The following ARL17A variants were observed in gnomAD, a reference collection of about 807,000 sequenced individuals.
ARL17A encodes the protein ARF like GTPase 17A, also known as ADP-ribosylation factor-like 17-like.
chr17:46,534,444 C>G (rs1188634302), intron 4 of ARL17A, among the ~76,000 whole-genome samples: 1 of 148,896 alleles, frequency 6.7e-6, no homozygotes, highest in South Asian at 2.1e-4. Context: ...CAAAGCACAT[C>G]TTGCACCGCC....
intron 3 of ARL17A, among the ~76,000 whole-genome samples, chr17:46,546,963 G>A (rs146545172): frequency 0.15 from 996 of 6,438 alleles, 152 homozygotes; most frequent in Middle Eastern, 0.3. Flanking sequence ...AAACCTTTCT[G>A]TTCACAGAAC....
intron 3 of ARL17A, among the ~76,000 whole-genome samples, chr17:46,541,284 C>A (rs1415774137): frequency 6.6e-6 from 1 of 150,380 alleles, no homozygotes; most frequent in East Asian, 1.9e-4. Context: ...TGGAATCTCA[C>A]TCTGTCGCCC....
In ARL17A at chr17:46,552,962, G is replaced by A. The variant is rs2056936826; in HGVS notation, c.*4394C>T. Among the ~76,000 whole-genome samples the A allele has an allele frequency of 7.0e-6, 1 of 142,696 alleles. No homozygotes were observed. The highest frequency in any genetic ancestry group is 2.8e-5 in the African/African-American group (1 of 35,728). The allele number at this position is 142,696 out of a possible 152,430, so 93.6% of individuals were successfully genotyped here. On this transcript the variant is annotated 3_prime_UTR_variant, in exon 4 of 4. Transcript: ENST00000336125. ...CTCAGCTACTCAAGAGGCTGAGGTG[G>A]GCGGATCACTGGAGCCCAGGAGGTT...
At chr17:46,535,449 TTC>T (rs1468987515) in intron 4 of ARL17A, among the ~76,000 whole-genome samples, 2 of 101,352 alleles carry the variant, frequency 2.0e-5, no homozygotes, top group Non-Finnish European at 3.6e-5. Context: ...TTCTCCTTTT[TTC>T]TGTTTTTCTT....
chr17:46,551,216 C>T (rs1185020144), downstream of ARL17A, among the ~76,000 whole-genome samples: 41 of 149,114 alleles, frequency 2.7e-4, no homozygotes, highest in African/African-American at 1.1e-3. Context: ...CTAAAGCCTA[C>T]ATCTGGCTAC....
intron 4 of ARL17A, among the ~76,000 whole-genome samples, chr17:46,534,708 G>A (rs1298959762): frequency 2.0e-5 from 3 of 149,976 alleles, no homozygotes; most frequent in Non-Finnish European, 4.4e-5. Flanking sequence ...ATGAGCTGTT[G>A]GGTACACCTC....
chr17:46,525,479 C>T (rs1169738944), downstream of ARL17A, among the ~76,000 whole-genome samples: 1 of 111,726 alleles, frequency 9.0e-6, no homozygotes, highest in Non-Finnish European at 2.0e-5. Flanking sequence ...CCTAGGTACT[C>T]AGGAGGCTGA....
intron 3 of ARL17A, among the ~76,000 whole-genome samples, chr17:46,568,798 GA>G (rs1218740511): frequency 6.0e-5 from 6 of 99,334 alleles, no homozygotes; most frequent in Admixed American, 1.2e-4. Context: ...AAAAAAAAAG[GA>G]AAAAAAAAGG....
rs1207493234 is a variant in ARL17A, at chr17:46,533,637, G to A, written c.335+4714C>T. On this transcript the variant is annotated intron_variant, in intron 4 of 4. Coordinates refer to the ARL17A transcript ENST00000329240. ...GTGCCTCAGCCTCCTGAGTAGCTGG[G>A]ACTGCAGGCACGTAACACCACACCC... Among the ~76,000 whole-genome samples the A allele has an allele frequency of 4.7e-5, 3 of 63,826 alleles. No homozygotes were observed. In the Admixed American group the frequency reaches 5.4e-4, roughly 11 times the overall value. 41.9% of individuals were successfully genotyped at this position (63,826 alleles called of 152,430 possible).
chr17:46,516,126 C>A (rs1205955565), downstream of ARL17A, among the ~76,000 whole-genome samples: 13 of 147,526 alleles, frequency 8.8e-5, 1 homozygote, highest in African/African-American at 3.4e-4. Context: ...TGGTGAAACC[C>A]CATCTCTACT....
chr17:46,532,227 A>C (rs1489721259), intron 4 of ARL17A, among the ~76,000 whole-genome samples: 2 of 148,406 alleles, frequency 1.3e-5, no homozygotes, highest in Non-Finnish European at 3.0e-5. Context: ...CACTCAAAAA[A>C]ACAACAATTG....
intron 2 of ARL17A, among the ~76,000 whole-genome samples, chr17:46,575,260 C>T (rs1468537786): frequency 6.2e-5 from 8 of 128,518 alleles, no homozygotes; most frequent in East Asian, 2.1e-4. Context: ...TGTCAAAACT[C>T]GCTTTGTAAA....
chr17:46,520,006 AGTGT>A (rs1196158627), intron 3 of ARL17A, among the ~76,000 whole-genome samples: 15 of 81,546 alleles, frequency 1.8e-4, no homozygotes, highest in Non-Finnish European at 3.2e-5. Context: ...GGTGTGCTTG[AGTGT>A]GTGTGTGTGT....
At chr17:46,521,274 G>C (rs1463951321) in intron 3 of ARL17A, among the ~76,000 whole-genome samples, 1 of 56,552 alleles carries the variant, frequency 1.8e-5, no homozygotes, top group Non-Finnish European at 4.4e-5. Context: ...GCTCATTAGT[G>C]ATGCTCTTTT....
At chr17:46,545,465 T>A (rs1288805417) in intron 3 of ARL17A, among the ~76,000 whole-genome samples, 1 of 111,224 alleles carries the variant, frequency 9.0e-6, no homozygotes, top group African/African-American at 4.7e-5. Flanking sequence ...AATAATAATT[T>A]TCCCCTTGGT....
At chr17:46,539,768 C>CAAAGAAA (rs2054947658) in intron 3 of ARL17A, among the ~76,000 whole-genome samples, 1 of 67,036 alleles carries the variant, frequency 1.5e-5, no homozygotes, top group Non-Finnish European at 2.7e-5. Flanking sequence ...GACTCCATCT[C>CAAAGAAA]AAAAAAAAAA....
intron 3 of ARL17A, among the ~76,000 whole-genome samples, chr17:46,543,733 C>T (rs1598477903): frequency 6.6e-6 from 1 of 150,920 alleles, no homozygotes; most frequent in African/African-American, 2.5e-5. Context: ...GAAAGTTATA[C>T]AGGTGTTCAT....
chr17:46,548,953 T>C (rs773115016), downstream of ARL17A: 1 of 1,612,410 alleles, frequency 6.2e-7, no homozygotes, highest in Non-Finnish European at 8.5e-7. Context: ...GAGAGACAGA[T>C]GGAAAGACTT....
chr17:46,558,553 ATTTTT>A (rs58227880), intron 3 of ARL17A, among the ~76,000 whole-genome samples: 14 of 100,230 alleles, frequency 1.4e-4, no homozygotes, highest in East Asian at 3.8e-4. Flanking sequence ...TGCCCGGCCA[ATTTTT>A]TTTTTTTTTT....
Sources: gnomAD v4.1 joint callset for allele counts (sites outside exome capture counted in the v4.1 genomes callset) on GRCh38, gnomAD v4.1.1 for gene constraint, MANE v1.5 for transcripts, NCBI Gene and HGNC (gene_info 2026-07-23, HGNC 2026-07-21) for gene names.